Variants in ITGB6 observed in about 807,000 individuals in gnomAD.
The protein encoded by ITGB6 is integrin subunit beta 6, also known as integrin beta-6.
ITGB6 carries 80 observed loss-of-function variants against 84.5 expected under a neutral mutation model. The ratio of observed to expected loss-of-function variants is 0.95; its 90% confidence interval spans 0.79 to 1.14. The LOEUF (loss-of-function observed/expected upper bound fraction) is 1.14, where lower values mean the gene tolerates loss of function less well. ITGB6 is among the 50% of genes most tolerant of loss of function. The probability of loss-of-function intolerance (pLI) is 0.00; values close to 1 mark genes in which losing one functional copy is unlikely to be tolerated. For missense variants in ITGB6, 1,006 were observed against 968.0 expected, an observed-to-expected ratio of 1.04 and a Z score of -0.52; for synonymous variants, 383 against 354.9, an observed-to-expected ratio of 1.08 and a Z score of -0.89.
At chr2:160,199,763 T>G (rs1049082364) in intron 1 of ITGB6, among the ~76,000 whole-genome samples, 2 of 152,218 alleles carry the variant, frequency 1.3e-5, no homozygotes, top group East Asian at 3.8e-4. Flanking sequence ...GGCAGTAATG[T>G]TATTTAATTC....
intron 4 of ITGB6, among the ~76,000 whole-genome samples, chr2:160,190,255 A>C (rs1222764540): frequency 6.6e-6 from 1 of 151,874 alleles, no homozygotes; most frequent in Non-Finnish European, 1.5e-5. Context: ...CCTAATGCTA[A>C]ATGACGAGTT....
chr2:160,187,453 A>T (rs1416729993), intron 4 of ITGB6, among the ~76,000 whole-genome samples: 1 of 152,188 alleles, frequency 6.6e-6, no homozygotes, highest in African/African-American at 2.4e-5. Flanking sequence ...TCTAGTTTGA[A>T]GGTAATATCA....
chr2:160,159,161 T>C (rs1477305770), intron 7 of ITGB6, among the ~76,000 whole-genome samples: 8 of 151,326 alleles, frequency 5.3e-5, no homozygotes, highest in Admixed American at 5.3e-4. Context: ...AATGACAGTC[T>C]GCATTTTAAG....
chr2:160,195,680 C>A (rs1463972556), intron 3 of ITGB6, 65 bp from the exon 4 acceptor site: 29 of 1,581,910 alleles, frequency 1.8e-5, no homozygotes, highest in Non-Finnish European at 2.5e-5. Flanking sequence ...CTACTGGCCA[C>A]TCGCTGGGTC....
At chr2:160,171,334 T>A (rs113289338) in intron 6 of ITGB6, among the ~76,000 whole-genome samples, 15 of 146,614 alleles carry the variant, frequency 1.0e-4, no homozygotes, top group African/African-American at 3.5e-4. Flanking sequence ...AATTTATTTT[T>A]TTATTTTTTT....
rs763356279 is a variant in ITGB6 at position 160,137,815 on chromosome 2, C to G, written c.1279G>C (p.Glu427Gln). The change falls in exon 10 of 15, where the codon GAG becomes CAG. Residue 427 changes from glutamate to glutamine, a missense_variant. Physicochemically the swap from Glu to Gln is conservative, Grantham distance 29. Transcript: ENST00000283249. ...ATGATAATGTGCCTGCTTCTTCTCT[C>G]GCAGTGTGGGATATTCACAGTCACG... The part of the protein sequence containing the change: ...FSVTVNIPHC[E>Q]RRSRHIIIKP... 1 of 1,614,112 alleles carries G rather than the reference C, an allele frequency of 6.2e-7. No homozygotes were observed. The highest frequency in any genetic ancestry group is 1.7e-5 in the Admixed American group (1 of 60,020).
chr2:160,107,471 C>T (rs1017235658), intron 14 of ITGB6, among the ~76,000 whole-genome samples: 6 of 152,088 alleles, frequency 3.9e-5, no homozygotes, highest in Non-Finnish European at 5.9e-5. Context: ...AAATCCCCAC[C>T]GCACTAAGAC....
intron 4 of ITGB6, among the ~76,000 whole-genome samples, chr2:160,190,111 A>G (rs572442874): frequency 3.3e-5 from 5 of 151,436 alleles, no homozygotes; most frequent in African/African-American, 1.2e-4. Flanking sequence ...AGGACAGAAA[A>G]CCAAACACTG....
intron 7 of ITGB6, among the ~76,000 whole-genome samples, chr2:160,151,106 C>T (rs1319805179): frequency 6.6e-6 from 1 of 152,164 alleles, no homozygotes; most frequent in Non-Finnish European, 1.5e-5. Context: ...TAATAGATGT[C>T]TACAGAACTC....
chr2:160,189,325 A>T (rs1337659881), intron 4 of ITGB6, among the ~76,000 whole-genome samples: 1 of 152,238 alleles, frequency 6.6e-6, no homozygotes, highest in Non-Finnish European at 1.5e-5. Flanking sequence ...ACCAAAAGCA[A>T]TGGCAACAAA....
At chr2:160,189,609 A>G (rs1021486981) in intron 4 of ITGB6, among the ~76,000 whole-genome samples, 2 of 152,238 alleles carry the variant, frequency 1.3e-5, no homozygotes, top group African/African-American at 2.4e-5. Context: ...AAAAATGGTC[A>G]TCATCACTGG....
At chr2:160,153,783 G>C (rs1209790074) in intron 7 of ITGB6, among the ~76,000 whole-genome samples, 1 of 152,072 alleles carries the variant, frequency 6.6e-6, no homozygotes, top group Non-Finnish European at 1.5e-5. Flanking sequence ...GATATGAACA[G>C]ACACTTCTCA....
chr2:160,104,055 C>T (rs994667510), intron 14 of ITGB6, among the ~76,000 whole-genome samples: 1 of 152,156 alleles, frequency 6.6e-6, no homozygotes, highest in Admixed American at 6.5e-5. Flanking sequence ...GCAGAGTTTT[C>T]ATTCCGTATT....
chr2:160,139,465 T>C (rs1204249403), intron 8 of ITGB6, among the ~76,000 whole-genome samples: 2 of 152,132 alleles, frequency 1.3e-5, no homozygotes, highest in Non-Finnish European at 2.9e-5. Flanking sequence ...CCTGCCTTCC[T>C]CCAAAATCTG....
At chr2:160,115,347 T>A (rs962290665) in intron 12 of ITGB6, among the ~76,000 whole-genome samples, 6 of 152,200 alleles carry the variant, frequency 3.9e-5, no homozygotes, top group Non-Finnish European at 7.3e-5. Flanking sequence ...CAAGATCCAC[T>A]GTTCTACAGC....
At position 160,174,232 on chromosome 2, in the gene ITGB6, A is replaced by T; in HGVS notation, c.594-93T>A. The T allele has an allele frequency of 4.0e-6, 4 of 999,596 alleles. No individual in the cohort carries two copies. In the South Asian group the frequency reaches 6.9e-5, roughly 17 times the overall value. The allele number at this position is 999,596 out of a possible 1,614,324, so 61.9% of individuals were successfully genotyped here. ...AGCTTAGCAACATTCTCCTAAATGAAGATTAGTTTTTCTAAAGGGCCTGAC... is the reference window on the plus strand; with the variant it reads ...AGCTTAGCAACATTCTCCTAAATGATGATTAGTTTTTCTAAAGGGCCTGAC... On this transcript the variant is annotated intron_variant, in intron 4 of 14. Coordinates refer to ENST00000283249, the MANE Select transcript of ITGB6 (RefSeq NM_000888.5).
rs754956643 is a variant in ITGB6 at position 160,107,737 on chromosome 2, T to C, written c.2210A>G (p.His737Arg). The C allele has an allele frequency of 8.1e-6, 13 of 1,614,002 alleles. No individual in the cohort carries two copies. The highest frequency in any genetic ancestry group is 5.5e-5 in the South Asian group (5 of 91,082). The change falls in exon 14 of 15, where the codon CAT (histidine) becomes CGT (arginine). Residue 737 changes from histidine to arginine, a missense_variant. Physicochemically the swap from His to Arg is conservative, Grantham distance 29 (BLOSUM62 0). Coordinates refer to ENST00000283249, the MANE Select transcript of ITGB6 (RefSeq NM_000888.5). ...LCIWKLLVSFHDRKEVAKFEA... is the reference protein window; with the variant it reads ...LCIWKLLVSFRDRKEVAKFEA... ...AAATTTGGCAACTTCTTTACGATCA[T>C]GAAATGACACCAGTAGCTTCCAGAT... is the stretch of plus-strand genomic sequence containing the variant.
intron 12 of ITGB6, among the ~76,000 whole-genome samples, chr2:160,119,865 C>G (rs1247545746): frequency 6.6e-6 from 1 of 152,142 alleles, no homozygotes; most frequent in Admixed American, 6.5e-5. Context: ...AGGATATGAA[C>G]AGACACTTGT....
At chr2:160,191,582 T>C (rs554781147) in intron 4 of ITGB6, among the ~76,000 whole-genome samples, 1 of 152,346 alleles carries the variant, frequency 6.6e-6, no homozygotes, top group East Asian at 1.9e-4. Context: ...GGTAAAACAC[T>C]GATCCTTTCT....
Sources: gnomAD v4.1 joint callset for allele counts (sites outside exome capture counted in the v4.1 genomes callset) on GRCh38, gnomAD v4.1.1 for gene constraint, MANE v1.5 for transcripts, NCBI Gene and HGNC (gene_info 2026-07-23, HGNC 2026-07-21) for gene names.